Variants in SUGP1 observed in about 807,000 individuals in gnomAD.
The protein encoded by SUGP1 is SURP and G-patch domain-containing protein 1.
A neutral mutation model predicts 76.5 loss-of-function variants in SUGP1; 34 were observed. That is an observed-to-expected ratio of 0.44 (90% CI 0.34 to 0.59). The LOEUF (loss-of-function observed/expected upper bound fraction) is 0.59. Among genes scored for constraint, SUGP1 ranks in the 20% least tolerant of loss-of-function variants. The pLI is 0.01. For synonymous variants in SUGP1, 326 were observed against 326.2 expected (o/e 1.00, Z 0.01); for missense variants, 752 against 851.7 (o/e 0.88, Z 1.46).
intron 2 of SUGP1, among the ~76,000 whole-genome samples, chr19:19,314,192 C>T (rs1202088104): frequency 6.6e-6 from 1 of 150,762 alleles, no homozygotes; most frequent in African/African-American, 2.4e-5. Context: ...GGCATCGTGG[C>T]GCACACTGGT....
At chr19:19,311,588 G>A (rs186567477) in intron 2 of SUGP1, among the ~76,000 whole-genome samples, 82 of 152,130 alleles carry the variant, frequency 5.4e-4, no homozygotes, top group Admixed American at 1.3e-3. Context: ...TTAGCCAGAT[G>A]TGGTAGCAGG....
chr19:19,309,987 T>C lies in SUGP1; in HGVS notation c.310+110A>G. ...GCATGGGTGGAATGAGGGCGATCTA[T>C]GATTACCGGTGAGCAGGAGTCTGAG... is the stretch of plus-strand genomic sequence containing the variant. On this transcript the variant is annotated intron_variant, in intron 3 of 13. Transcript: ENST00000247001. 8 of 733,504 alleles carry C rather than the reference T, an allele frequency of 1.1e-5. No homozygotes were observed. In the South Asian group the frequency reaches 1.2e-4, roughly 11 times the overall value. 45.4% of individuals were successfully genotyped at this position (733,504 alleles called of 1,614,324 possible). A position where few individuals can be genotyped will look rare whatever the true frequency, so the allele number is the denominator to read the frequency against.
chr19:19,307,773 T>G (rs542351042), intron 3 of SUGP1, among the ~76,000 whole-genome samples: 1 of 151,938 alleles, frequency 6.6e-6, no homozygotes, highest in Non-Finnish European at 1.5e-5. Context: ...CGTGCAATCC[T>G]CCCACCTCAG....
At chr19:19,314,220 A>C (rs1184002851) in intron 2 of SUGP1, among the ~76,000 whole-genome samples, 23 of 152,056 alleles carry the variant, frequency 1.5e-4, no homozygotes, top group Non-Finnish European at 1.5e-4. Context: ...GCTACTCGAG[A>C]GGCTGAGCAG....
intron 1 of SUGP1, among the ~76,000 whole-genome samples, chr19:19,319,706 CAAAAAAA>C (rs570232030): frequency 1.2e-3 from 83 of 69,282 alleles, no homozygotes; most frequent in Admixed American, 2.0e-3. Context: ...GACCCTGTCT[CAAAAAAA>C]AAAAAAAAAA....
At chr19:19,297,432 C>T in intron 7 of SUGP1, 88 bp from the exon 8 acceptor site, 1 of 1,077,790 alleles carries the variant, frequency 9.3e-7, no homozygotes, top group Non-Finnish European at 1.3e-6. Context: ...GCCTTGTGTG[C>T]CCACGTTGGC....
At chr19:19,281,829 C>T (rs2061101081) in intron 8 of SUGP1, among the ~76,000 whole-genome samples, 1 of 152,190 alleles carries the variant, frequency 6.6e-6, no homozygotes, top group South Asian at 2.1e-4. Context: ...TGACAAGAGA[C>T]CACCCCCCAA....
chr19:19,302,139 C>T (rs2061276604), intron 7 of SUGP1, 126 bp downstream of exon 7: 1 of 1,464,414 alleles, frequency 6.8e-7, no homozygotes, highest in Non-Finnish European at 9.3e-7. Context: ...GTCAGAGACT[C>T]TTGGACCTGC....
intron 2 of SUGP1, among the ~76,000 whole-genome samples, chr19:19,310,711 T>C (rs1005388275): frequency 6.6e-6 from 1 of 152,202 alleles, no homozygotes; most frequent in African/African-American, 2.4e-5. Flanking sequence ...TGGGGCAATC[T>C]TGGCTCACTG....
intron 4 of SUGP1, among the ~76,000 whole-genome samples, chr19:19,305,304 T>C (rs1166760731): frequency 6.6e-6 from 1 of 152,208 alleles, no homozygotes; most frequent in Non-Finnish European, 1.5e-5. Flanking sequence ...GGCAATGCTG[T>C]CACCACAGCC....
At chr19:19,277,936 A>G (rs2061066904) in intron 11 of SUGP1, 57 bp from the exon 12 acceptor site, 1 of 1,598,334 alleles carries the variant, frequency 6.3e-7, no homozygotes, top group Middle Eastern at 1.7e-4. Flanking sequence ...GTGGCCCCCA[A>G]ATCCAACCTT....
chr19:19,290,645 A>G (rs565771709), intron 8 of SUGP1, among the ~76,000 whole-genome samples: 5 of 152,194 alleles, frequency 3.3e-5, no homozygotes, highest in African/African-American at 9.6e-5. Flanking sequence ...CTCTGTCTCA[A>G]AGGGAAAAAA....
Position 19,286,955 on chromosome 19 carries a change from A to G in SUGP1, c.1244-6664T>C, listed in dbSNP as rs375724435. Among the ~76,000 whole-genome samples, 851 of 150,932 alleles carry G rather than the reference A, an allele frequency of 5.6e-3. 5 individuals are homozygous for G. Among genetic ancestry groups the G allele is most frequent in the African/African-American group, 0.02 (812 of 40,954 alleles). On this transcript the variant is annotated intron_variant, in intron 8 of 13. Transcript: ENST00000247001. ...GCGAGACTCTGTCTCCAAAAAAAAA[A>G]GCAAAACAACAACAACAACAACAAC...
chr19:19,289,966 G>A (rs1355233119), intron 8 of SUGP1, among the ~76,000 whole-genome samples: 1 of 151,934 alleles, frequency 6.6e-6, no homozygotes, highest in Non-Finnish European at 1.5e-5. Context: ...GAGTTAGGAA[G>A]AATATAAGGG....
At position 19,279,374 on chromosome 19, in the gene SUGP1, T is replaced by C. The variant is rs753151041; in HGVS notation, c.1367A>G (p.Asp456Gly). Reference sequence around the variant, plus strand: ...GGCCCGCTTGTGCTGCATGATCATGTCGTACATCTGCTGCATCTGCAGGGC... The same window carrying C: ...GGCCCGCTTGTGCTGCATGATCATGCCGTACATCTGCTGCATCTGCAGGGC... ...KEQQEMQQMYDMIMQHKRAMQ... is the reference protein window; with the variant it reads ...KEQQEMQQMYGMIMQHKRAMQ... The change falls in exon 10 of 14, where the codon GAC (aspartate) becomes GGC (glycine). Residue 456 changes from aspartate (D) to glycine (G), a missense_variant. By Grantham distance (94) the Asp-to-Gly change is moderately conservative. Coordinates refer to ENST00000247001, the MANE Select transcript of SUGP1 (RefSeq NM_172231.4). 6.2e-7 allele frequency: 1 copy of C among 1,606,694 alleles called. No individual in the cohort carries two copies. Among genetic ancestry groups the C allele is most frequent in the Non-Finnish European group, 8.5e-7 (1 of 1,178,934 alleles).
Position 19,276,694 on chromosome 19 carries a change from T to A in SUGP1, c.1912-20A>T, listed in dbSNP as rs769623343. ...ATTGTTCTGTGGAAGGCAAAACAGA[T>A]AACAGGAGGAGGGGATTAGCACTAA... is the stretch of plus-strand genomic sequence containing the variant. On this transcript the variant is annotated intron_variant, in intron 13 of 13. Coordinates refer to ENST00000247001, the MANE Select transcript of SUGP1 (RefSeq NM_172231.4). The A allele has an allele frequency of 2.5e-6, 4 of 1,614,052 alleles. No homozygotes were observed. The East Asian group carries it at 8.9e-5, about 36-fold the overall frequency.
intron 8 of SUGP1, among the ~76,000 whole-genome samples, chr19:19,292,470 C>A (rs1464425405): frequency 1.3e-5 from 2 of 151,422 alleles, no homozygotes; most frequent in Non-Finnish European, 2.9e-5. Flanking sequence ...AGGAGGCCAA[C>A]ATGGGCAGAT....
chr19:19,315,689 C>T (rs2061389189), intron 2 of SUGP1, among the ~76,000 whole-genome samples: 1 of 152,198 alleles, frequency 6.6e-6, no homozygotes, highest in Non-Finnish European at 1.5e-5. Flanking sequence ...CCAGCTCCAC[C>T]TGGGCTTTCA....
At chr19:19,303,931 G>A (rs2061293834) in intron 4 of SUGP1, 84 bp from the exon 5 acceptor site, 2 of 1,604,234 alleles carry the variant, frequency 1.2e-6, no homozygotes, top group African/African-American at 1.3e-5. Context: ...CACAACGACA[G>A]AGGGGGTGGG....
Sources: gnomAD v4.1 joint callset for allele counts (sites outside exome capture counted in the v4.1 genomes callset) on GRCh38, gnomAD v4.1.1 for gene constraint, MANE v1.5 for transcripts, NCBI Gene and HGNC (gene_info 2026-07-23, HGNC 2026-07-21) for gene names.